The following NRXN1 variants were observed in gnomAD, a reference collection of about 807,000 sequenced individuals.
NRXN1 encodes neurexin-1.
In NRXN1, 39 loss-of-function variants were observed where a neutral mutation model predicts 150.9. The observed-to-expected ratio is 0.26, with a 90% CI of 0.20 to 0.34. NRXN1 has a LOEUF of 0.34. Ranked by LOEUF, NRXN1 falls within the 10% of genes least tolerant of loss-of-function variation. The pLI, the probability that NRXN1 is intolerant of heterozygous loss-of-function variation, is 1.00. For missense variants in NRXN1, 1,815 were observed against 1,949.9 expected (o/e 0.93, Z 1.30); for synonymous variants, 924 against 757.0 (o/e 1.22, Z -3.62).
intron 18 of NRXN1, among the ~76,000 whole-genome samples, chr2:50,142,842 G>A (rs1707470211): frequency 6.6e-6 from 1 of 151,722 alleles, no homozygotes; most frequent in Non-Finnish European, 1.5e-5. Flanking sequence ...AACAGACTGA[G>A]CAAAAGCAAG....
chr2:50,468,384 C>T (rs1279426243), intron 16 of NRXN1, among the ~76,000 whole-genome samples: 2 of 151,542 alleles, frequency 1.3e-5, no homozygotes, highest in Non-Finnish European at 3.0e-5. Flanking sequence ...TCAGGAATTA[C>T]AAGACAATGC....
At chr2:50,688,675 T>C (rs1408273323) in intron 5 of NRXN1, among the ~76,000 whole-genome samples, 2 of 151,338 alleles carry the variant, frequency 1.3e-5, no homozygotes, top group African/African-American at 4.8e-5. Flanking sequence ...CTTTTCAGTA[T>C]GACAATGGGC....
intron 21 of NRXN1, among the ~76,000 whole-genome samples, chr2:49,949,423 GTAA>G (rs1471693513): frequency 3.9e-5 from 6 of 151,954 alleles, no homozygotes; most frequent in Non-Finnish European, 7.4e-5. Flanking sequence ...AACCCAGTAT[GTAA>G]TATTATATCC....
At chr2:50,558,646 G>GT (rs1668592712) in intron 8 of NRXN1, among the ~76,000 whole-genome samples, 1 of 152,190 alleles carries the variant, frequency 6.6e-6, no homozygotes, top group Admixed American at 6.5e-5. Context: ...CATTTAGAAT[G>GT]TAACAAACGT....
intron 17 of NRXN1, among the ~76,000 whole-genome samples, chr2:50,340,018 CTGCCT>C (rs1334269843): frequency 6.6e-6 from 1 of 152,142 alleles, no homozygotes; most frequent in East Asian, 1.9e-4. Flanking sequence ...TTCCAAAACC[CTGCCT>C]TTTATATTGT....
At chr2:50,808,049 C>A (rs1250641237) in intron 5 of NRXN1, among the ~76,000 whole-genome samples, 1 of 152,064 alleles carries the variant, frequency 6.6e-6, no homozygotes, top group South Asian at 2.1e-4. Flanking sequence ...GAATGTTAAC[C>A]CTTATTGTGC....
chr2:50,843,721 G>C (rs1377879418), intron 5 of NRXN1, among the ~76,000 whole-genome samples: 2 of 152,098 alleles, frequency 1.3e-5, no homozygotes, highest in Non-Finnish European at 2.9e-5. Flanking sequence ...TATTCTAGGA[G>C]AGCCATGCCC....
At chr2:50,384,374 T>C (rs1398635405) in intron 17 of NRXN1, among the ~76,000 whole-genome samples, 2 of 151,584 alleles carry the variant, frequency 1.3e-5, no homozygotes, top group Non-Finnish European at 2.9e-5. Context: ...AGTGTGGTTG[T>C]ATGCGCCTGT....
At chr2:50,574,882 G>T (rs531122921) in intron 8 of NRXN1, among the ~76,000 whole-genome samples, 1 of 152,176 alleles carries the variant, frequency 6.6e-6, no homozygotes, top group African/African-American at 2.4e-5. Context: ...TTTGGCTGCA[G>T]AAGTTGAAAT....
At chr2:49,988,551 T>C (rs1681353506) in intron 21 of NRXN1, among the ~76,000 whole-genome samples, 1 of 151,466 alleles carries the variant, frequency 6.6e-6, no homozygotes, top group Non-Finnish European at 1.5e-5. Context: ...CTTAGTGACT[T>C]AGTAACAGAG....
At chr2:50,437,527 T>C (rs1370507766) in intron 17 of NRXN1, among the ~76,000 whole-genome samples, 2 of 152,216 alleles carry the variant, frequency 1.3e-5, no homozygotes, top group Admixed American at 1.3e-4. Flanking sequence ...AGTGAATAAA[T>C]TGTAGCAGTA....
At chr2:50,721,888 T>C (rs1345584525) in intron 5 of NRXN1, among the ~76,000 whole-genome samples, 3 of 152,120 alleles carry the variant, frequency 2.0e-5, no homozygotes, top group Admixed American at 6.6e-5. Flanking sequence ...AACTAGTGAG[T>C]AGCAGAGCTG....
chr2:50,247,387 T>A (rs1486742185), intron 17 of NRXN1, among the ~76,000 whole-genome samples: 1 of 152,104 alleles, frequency 6.6e-6, no homozygotes, highest in Non-Finnish European at 1.5e-5. Context: ...CAGGCTTTAA[T>A]GATTTATTAA....
chr2:50,852,505 T>G (rs2105983455), intron 5 of NRXN1, among the ~76,000 whole-genome samples: 1 of 152,300 alleles, frequency 6.6e-6, no homozygotes, highest in Admixed American at 6.5e-5. Flanking sequence ...CTGTCAATTC[T>G]TTGATTGTCA....
At chr2:50,775,021 G>C (rs1703437916) in intron 5 of NRXN1, among the ~76,000 whole-genome samples, 1 of 151,894 alleles carries the variant, frequency 6.6e-6, no homozygotes, top group South Asian at 2.1e-4. Context: ...TAATTCTTAA[G>C]CCCAAGAACT....
intron 18 of NRXN1, among the ~76,000 whole-genome samples, chr2:50,103,063 A>C (rs1445238370): frequency 6.6e-6 from 1 of 152,096 alleles, no homozygotes; most frequent in Non-Finnish European, 1.5e-5. Flanking sequence ...ACAGTATGCA[A>C]CCTGACATTC....
intron 2 of NRXN1, among the ~76,000 whole-genome samples, chr2:50,956,782 A>G (rs1253859664): frequency 6.6e-6 from 1 of 152,060 alleles, no homozygotes; most frequent in Non-Finnish European, 1.5e-5. Context: ...TAACATTTAT[A>G]GAGCTTAATC....
chr2:50,425,937 G>A (rs544612372), intron 17 of NRXN1, among the ~76,000 whole-genome samples: 2 of 152,258 alleles, frequency 1.3e-5, no homozygotes, highest in South Asian at 2.1e-4. Flanking sequence ...GAGGCACACT[G>A]GGCATGCCAA....
At chr2:50,049,108 A>C (rs1195323749) in intron 21 of NRXN1, among the ~76,000 whole-genome samples, 1 of 152,180 alleles carries the variant, frequency 6.6e-6, no homozygotes, top group Non-Finnish European at 1.5e-5. Flanking sequence ...TTGCAAAGGT[A>C]AATTTTGGAT....
Sources: allele counts gnomAD v4.1 joint callset (sites outside exome capture counted in the v4.1 genomes callset), GRCh38; gene constraint gnomAD v4.1.1; transcripts MANE v1.5; gene names NCBI Gene and HGNC (gene_info 2026-07-23, HGNC 2026-07-21).